Variants in VTI1B observed in about 807,000 individuals in gnomAD.
VTI1B encodes the protein vesicle transport through interaction with t-SNAREs homolog 1B.
In VTI1B, 18 loss-of-function variants were observed where a neutral mutation model predicts 28.6. That is an observed-to-expected ratio of 0.63 (90% CI 0.43 to 0.93). VTI1B has a LOEUF of 0.93. Ranked by LOEUF, VTI1B falls within the 40% of genes least tolerant of loss-of-function variation. The pLI is 0.00. For synonymous variants in VTI1B, 100 were observed against 107.9 expected (o/e 0.93, Z 0.46); for missense variants, 283 against 297.0 (o/e 0.95, Z 0.35).
intron 1 of VTI1B, among the ~76,000 whole-genome samples, chr14:67,670,735 A>C (rs961123556): frequency 6.6e-6 from 1 of 152,046 alleles, no homozygotes; most frequent in Non-Finnish European, 1.5e-5. Context: ...CACCATGTTG[A>C]CCAGGATGGT....
intron 3 of VTI1B, among the ~76,000 whole-genome samples, chr14:67,659,274 A>G (rs558952339): frequency 6.6e-6 from 1 of 152,310 alleles, no homozygotes; most frequent in South Asian, 2.1e-4. Context: ...AAGGTAAAGG[A>G]AAGCTTGGAT....
rs533900285 is a variant in VTI1B at position 67,666,440 on chromosome 14, A to G, written c.116-3905T>C. Among the ~76,000 whole-genome samples the G allele has an allele frequency of 3.3e-5, 5 of 152,340 alleles. No homozygotes were observed. In the South Asian group the frequency reaches 1.0e-3, roughly 32 times the overall value. ...TTCCTCTTATAAGTGCTCTATAACA[A>G]CATACTTTTACAGAACTTCACTACA... On this transcript the variant is annotated intron_variant, in intron 1 of 5. Coordinates refer to ENST00000554659, the MANE Select transcript of VTI1B (RefSeq NM_006370.3).
chr14:67,648,212 T>TA lies in VTI1B; in HGVS notation c.*3172dup, dbSNP rs1406030785. 1 of 1,604,120 alleles carries TA rather than the reference T, an allele frequency of 6.2e-7. No homozygotes were observed. Among genetic ancestry groups the TA allele is most frequent in the East Asian group, 2.2e-5 (1 of 44,682 alleles). ...TGTAGCAACCAGGTCTGCAGCCTGT[T>TA]AACTACATAGGTAAATATGCTAGAG... On this transcript the variant is annotated 3_prime_UTR_variant, in exon 6 of 6. Transcript: ENST00000554659.
intron 5 of VTI1B, chr14:67,652,701 T>C (rs1487218415): frequency 6.6e-6 from 1 of 152,140 alleles, no homozygotes; most frequent in Non-Finnish European, 1.5e-5. Context: ...ATATAGAACT[T>C]CCAGAAAAGG....
At chr14:67,663,754 C>A in intron 1 of VTI1B, among the ~76,000 whole-genome samples, 1 of 152,086 alleles carries the variant, frequency 6.6e-6, no homozygotes, top group East Asian at 1.9e-4. Context: ...AAGGTGGTAC[C>A]AGAATGCTGT....
intron 4 of VTI1B, among the ~76,000 whole-genome samples, chr14:67,655,700 T>C (rs2037247081): frequency 6.6e-6 from 1 of 152,216 alleles, no homozygotes; most frequent in African/African-American, 2.4e-5. Context: ...CAGAATACCC[T>C]ATTAGATGTG....
At chr14:67,668,259 T>C (rs2037425695) in intron 1 of VTI1B, among the ~76,000 whole-genome samples, 1 of 152,214 alleles carries the variant, frequency 6.6e-6, no homozygotes, top group Admixed American at 6.5e-5. Context: ...CACATTATAG[T>C]ACTCTGAGGT....
rs1402763665 is a variant in VTI1B at position 67,647,284 on chromosome 14, T to C, written c.*4101A>G. Reference sequence around the variant, plus strand: ...ATCTCCATCTTTAATGCTTATCTTCTGAGATGACAAGCATTTATTGTTTCA... The same window carrying C: ...ATCTCCATCTTTAATGCTTATCTTCCGAGATGACAAGCATTTATTGTTTCA... On this transcript the variant is annotated 3_prime_UTR_variant, in exon 6 of 6. Transcript: ENST00000554659. 2.7e-6 allele frequency: 1 copy of C among 363,654 alleles called. No individual in the cohort carries two copies. The highest frequency in any genetic ancestry group is 5.8e-5 in the South Asian group (1 of 17,336). 22.5% of individuals were successfully genotyped at this position (363,654 alleles called of 1,614,324 possible).
chr14:67,673,654 A>G (rs983394055), intron 1 of VTI1B, among the ~76,000 whole-genome samples: 4 of 152,200 alleles, frequency 2.6e-5, no homozygotes, highest in African/African-American at 9.7e-5. Flanking sequence ...CGTTGAGCAA[A>G]CACCCAAGCT....
At chr14:67,664,256 C>T (rs1189167288) in intron 1 of VTI1B, among the ~76,000 whole-genome samples, 1 of 152,134 alleles carries the variant, frequency 6.6e-6, no homozygotes. Context: ...CTTGTTTATC[C>T]TCTCAAACTG....
intron 2 of VTI1B, among the ~76,000 whole-genome samples, chr14:67,660,924 A>T (rs1400674474): frequency 6.6e-6 from 1 of 152,210 alleles, no homozygotes; most frequent in Non-Finnish European, 1.5e-5. Flanking sequence ...GTACACAGGT[A>T]TTAAGAAAAG....
In VTI1B at chr14:67,651,136, A is replaced by G. The variant is rs2037169855; in HGVS notation, c.*249T>C. ...AGTTCACAGGGTATTAATATGCTAC[A>G]GTACTATGTAAATTTAAAGAAGTCA... On this transcript the variant is annotated 3_prime_UTR_variant, in exon 6 of 6. Transcript: ENST00000554659. 2.2e-6 allele frequency: 2 copies of G among 903,888 alleles called. No individual in the cohort carries two copies. The highest frequency in any genetic ancestry group is 1.8e-5 in the South Asian group (1 of 56,480). 56.0% of individuals were successfully genotyped at this position (903,888 alleles called of 1,614,324 possible). A position where few individuals can be genotyped will look rare whatever the true frequency, so the allele number is the denominator to read the frequency against.
rs181582499 is a variant in VTI1B, at chr14:67,650,729, C to A, written c.*656G>T. On this transcript the variant is annotated 3_prime_UTR_variant, in exon 6 of 6. Transcript: ENST00000554659. ...TGTTCTTCCAGGGTTGCTATCAGCA[C>A]TGGATCTTGTTGAAGTCAATCCTCA... The A allele has an allele frequency of 1.7e-5, 28 of 1,613,974 alleles. No individual in the cohort carries two copies. The East Asian group carries it at 6.0e-4, about 35-fold the overall frequency.
At chr14:67,652,013 T>A (rs940689546) in intron 5 of VTI1B, among the ~76,000 whole-genome samples, 1 of 152,244 alleles carries the variant, frequency 6.6e-6, no homozygotes, top group Non-Finnish European at 1.5e-5. Context: ...TCATGTTCAC[T>A]CTAGGTTTCT....
chr14:67,672,637 T>C (rs929221659), intron 1 of VTI1B, among the ~76,000 whole-genome samples: 1 of 150,990 alleles, frequency 6.6e-6, no homozygotes, highest in Non-Finnish European at 1.5e-5. Context: ...GAGATGGGGT[T>C]TCACCATATT....
At chr14:67,655,639 C>T (rs1230994441) in intron 4 of VTI1B, among the ~76,000 whole-genome samples, 1 of 151,968 alleles carries the variant, frequency 6.6e-6, no homozygotes, top group Non-Finnish European at 1.5e-5. Flanking sequence ...TGGAAAACAG[C>T]CTTGGCTCTA....
chr14:67,655,517 T>C (rs2037244561), intron 4 of VTI1B, among the ~76,000 whole-genome samples: 1 of 151,952 alleles, frequency 6.6e-6, no homozygotes, highest in East Asian at 1.9e-4. Context: ...AGACATTTTT[T>C]TCCCTATTAC....
chr14:67,657,933 G>C (rs2037284733), intron 3 of VTI1B, among the ~76,000 whole-genome samples: 1 of 151,946 alleles, frequency 6.6e-6, no homozygotes, highest in African/African-American at 2.4e-5. Context: ...ATTTTTAGTA[G>C]AGACAGGGTT....
chr14:67,653,682 CTCA>C (rs948660867), intron 4 of VTI1B, among the ~76,000 whole-genome samples, 184 bp from the exon 5 acceptor site: 1 of 152,172 alleles, frequency 6.6e-6, no homozygotes, highest in African/African-American at 2.4e-5. Flanking sequence ...TATTTTAGTA[CTCA>C]TCAAGTAGGC....
Sources: gnomAD v4.1 joint callset for allele counts (sites outside exome capture counted in the v4.1 genomes callset) on GRCh38, gnomAD v4.1.1 for gene constraint, MANE v1.5 for transcripts, NCBI Gene and HGNC (gene_info 2026-07-23, HGNC 2026-07-21) for gene names.